The following FANK1 variants were observed in gnomAD, a reference collection of about 807,000 sequenced individuals.
FANK1 encodes fibronectin type III and ankyrin repeat domains 1, also known as fibronectin type 3 and ankyrin repeat domains protein 1.
In FANK1, 44 loss-of-function variants were observed where a neutral mutation model predicts 45.3. That is an observed-to-expected ratio of 0.97 (90% CI 0.76 to 1.25). The LOEUF (loss-of-function observed/expected upper bound fraction) is 1.25, where lower values mean the gene tolerates loss of function less well. Among genes scored for constraint, FANK1 ranks in the 50% most tolerant of loss-of-function variants. The pLI, the probability that FANK1 is intolerant of heterozygous loss-of-function variation, is 0.00. For missense variants in FANK1, 391 were observed against 424.4 expected (o/e 0.92, Z 0.69); for synonymous variants, 149 against 152.5 (o/e 0.98, Z 0.17).
At chr10:125,926,809 TG>T (rs1564880742) in intron 1 of FANK1, among the ~76,000 whole-genome samples, 1 of 152,256 alleles carries the variant, frequency 6.6e-6, no homozygotes, top group East Asian at 1.9e-4. Context: ...TGTTTAGTAA[TG>T]GTTTCCTTGG....
At chr10:125,904,972 C>CA (rs903547693) in intron 1 of FANK1, among the ~76,000 whole-genome samples, 13 of 148,184 alleles carry the variant, frequency 8.8e-5, no homozygotes, top group East Asian at 2.0e-4. Flanking sequence ...AAAAATACAA[C>CA]AAAAAAAAAT....
intron 1 of FANK1, among the ~76,000 whole-genome samples, chr10:125,976,950 C>T (rs560663721): frequency 6.8e-6 from 1 of 146,194 alleles, no homozygotes; most frequent in African/African-American, 2.5e-5. Flanking sequence ...CATTATTTAG[C>T]TCTGTCAGAC....
At chr10:125,938,593 G>A (rs1948248561) in intron 1 of FANK1, among the ~76,000 whole-genome samples, 1 of 152,136 alleles carries the variant, frequency 6.6e-6, no homozygotes, top group African/African-American at 2.4e-5. Flanking sequence ...CGGATCACTT[G>A]AGGTCAGGAG....
chr10:125,919,298 C>T (rs1352302044), intron 1 of FANK1, among the ~76,000 whole-genome samples: 9 of 142,622 alleles, frequency 6.3e-5, no homozygotes, highest in Admixed American at 1.5e-4. Flanking sequence ...CTCCGCTTCC[C>T]GGTTTCAAGC....
At chr10:125,926,970 A>G (rs1947388635) in intron 1 of FANK1, among the ~76,000 whole-genome samples, 1 of 152,276 alleles carries the variant, frequency 6.6e-6, no homozygotes, top group African/African-American at 2.4e-5. Flanking sequence ...AGAAATGGAT[A>G]TGACCAGCAA....
intron 1 of FANK1, among the ~76,000 whole-genome samples, chr10:125,956,329 G>T (rs1001541233): frequency 2.6e-5 from 4 of 152,132 alleles, no homozygotes; most frequent in Non-Finnish European, 5.9e-5. Flanking sequence ...ATCAAAGGCT[G>T]TCTTAAAGAT....
chr10:125,927,728 TAG>T (rs756439770), intron 1 of FANK1, among the ~76,000 whole-genome samples: 5 of 152,056 alleles, frequency 3.3e-5, no homozygotes, highest in Non-Finnish European at 7.4e-5. Context: ...TTTTTTTTAG[TAG>T]AGACGGGGTT....
chr10:125,946,771 C>A (rs1305568925), intron 1 of FANK1, among the ~76,000 whole-genome samples: 1,555 of 78,516 alleles, frequency 0.02, 46 homozygotes, highest in African/African-American at 0.077. Flanking sequence ...CACAAAGATA[C>A]TCCTCGAGAA....
At chr10:125,992,222 G>C (rs1175157676) in intron 3 of FANK1, among the ~76,000 whole-genome samples, 1 of 152,198 alleles carries the variant, frequency 6.6e-6, no homozygotes, top group East Asian at 1.9e-4. Flanking sequence ...CAGGACTCCT[G>C]CCTATAGTGG....
intron 2 of FANK1, chr10:125,980,735 A>G: frequency 5.8e-6 from 1 of 170,964 alleles, no homozygotes; most frequent in Non-Finnish European, 1.2e-5. Context: ...CCCCTTGTCA[A>G]CTCTCTTATA....
rs777836625 is a variant in FANK1 at position 126,008,541 on chromosome 10, G to C, written c.840G>C (p.Thr280=). ...ATGTGAAGGACAGAAATGGAAAGAC[G>C]CCCCTTATGGTAGGTCCTCCTCCCG... ...NVNVKDRNGK[T]PLMVAVLNNH... is the part of the protein sequence containing the mutation. The change falls in exon 8 of 11, where the codon ACG becomes ACC. Residue 280 remains threonine, a synonymous_variant. Transcript: ENST00000368693. The C allele has an allele frequency of 1.2e-6, 2 of 1,609,466 alleles. No homozygotes were observed. Among genetic ancestry groups the C allele is most frequent in the South Asian group, 2.2e-5 (2 of 89,994 alleles).
chr10:125,989,912 G>A (rs1047740074), intron 3 of FANK1, among the ~76,000 whole-genome samples: 11 of 152,142 alleles, frequency 7.2e-5, no homozygotes, highest in African/African-American at 2.2e-4. Flanking sequence ...CCAGGATGCC[G>A]TCCCAGGCTA....
intron 1 of FANK1, among the ~76,000 whole-genome samples, chr10:125,979,109 A>C (rs1425588287): frequency 6.6e-6 from 1 of 152,112 alleles, no homozygotes; most frequent in East Asian, 1.9e-4. Context: ...TGGGTCGCTC[A>C]TTCGGTCATT....
At chr10:125,910,889 C>T (rs1269994442) in intron 1 of FANK1, among the ~76,000 whole-genome samples, 2 of 152,054 alleles carry the variant, frequency 1.3e-5, no homozygotes, top group Non-Finnish European at 2.9e-5. Context: ...AAAAAATTAG[C>T]CGGGTGTGGT....
Position 125,909,042 on chromosome 10 carries a change from T to G in FANK1, c.13+12387T>G, listed in dbSNP as rs549032331. Among the ~76,000 whole-genome samples, 953 of 152,364 alleles carry G rather than the reference T, an allele frequency of 6.3e-3. 1 individual carries two copies. The highest frequency in any genetic ancestry group is 8.2e-3 in the Non-Finnish European group (561 of 68,026). On this transcript the variant is annotated intron_variant, in intron 1 of 10. Coordinates refer to ENST00000368693, the MANE Select transcript of FANK1 (RefSeq NM_145235.5). ...CTAGGGCATCCAATTTCAAGACGGC[T>G]CACTTAACATGGCTAGCAAGTCAAT...
chr10:125,904,577 A>AGAGAACAAAATATTTTGC (rs1945325430), intron 1 of FANK1, among the ~76,000 whole-genome samples: 2 of 151,766 alleles, frequency 1.3e-5, no homozygotes, highest in African/African-American at 4.8e-5. Flanking sequence ...AGAAACTTTT[A>AGAGAACAAAATATTTTGC]AGAGAACAAA....
intron 1 of FANK1, among the ~76,000 whole-genome samples, chr10:125,911,672 C>T (rs1040069450): frequency 2.0e-5 from 3 of 152,224 alleles, no homozygotes; most frequent in African/African-American, 4.8e-5. Flanking sequence ...ATACCTCTTT[C>T]GCACAGCCTC....
chr10:125,994,913 G>T (rs1952208435), intron 3 of FANK1: 1 of 985,212 alleles, frequency 1.0e-6, no homozygotes, highest in Non-Finnish European at 1.2e-6. Flanking sequence ...CTTCCTGTGG[G>T]TCGAAGCCCT....
intron 1 of FANK1, among the ~76,000 whole-genome samples, chr10:125,913,232 G>A (rs113770422): frequency 1.3e-5 from 2 of 152,256 alleles, no homozygotes; most frequent in Non-Finnish European, 2.9e-5. Context: ...TTATCTGATT[G>A]CACCTACATT....
Sources: gnomAD v4.1 joint callset for allele counts (sites outside exome capture counted in the v4.1 genomes callset) on GRCh38, gnomAD v4.1.1 for gene constraint, MANE v1.5 for transcripts, NCBI Gene and HGNC (gene_info 2026-07-23, HGNC 2026-07-21) for gene names.